The following FNBP1L variants were observed in gnomAD, a reference collection of about 807,000 sequenced individuals.
FNBP1L encodes the protein formin-binding protein 1-like.
Under a neutral mutation model 91.2 loss-of-function variants are expected in FNBP1L, and 36 were observed. The ratio of observed to expected loss-of-function variants is 0.39; its 90% CI spans 0.30 to 0.52. The LOEUF (loss-of-function observed/expected upper bound fraction) is 0.52, where lower values mean the gene tolerates loss of function less well. FNBP1L is among the 20% of genes least tolerant of loss of function. The pLI is 0.66. For synonymous variants in FNBP1L, 242 were observed against 237.0 expected (o/e 1.02, Z -0.19); for missense variants, 571 against 732.1 (o/e 0.78, Z 2.54).
intron 15 of FNBP1L, among the ~76,000 whole-genome samples, chr1:93,550,524 C>T (rs993067936): frequency 6.6e-6 from 1 of 152,198 alleles, no homozygotes; most frequent in Non-Finnish European, 1.5e-5. Context: ...GTTCTCCCTT[C>T]AGACTCTCTT....
chr1:93,526,727 AG>A (rs1190533713), intron 5 of FNBP1L, among the ~76,000 whole-genome samples: 1 of 152,108 alleles, frequency 6.6e-6, no homozygotes. Flanking sequence ...TCTTTTCTGG[AG>A]TATATTTCTG....
In FNBP1L at chr1:93,514,212, G is replaced by A. The variant is rs553143570; in HGVS notation, c.141-7870G>A. ...TACCTAGGAATCCAACTTAACAAGGGATGTGAAGGACCTCTTCAAGGAGAA... is the reference window on the plus strand; with the variant it reads ...TACCTAGGAATCCAACTTAACAAGGAATGTGAAGGACCTCTTCAAGGAGAA... On this transcript the variant is annotated intron_variant, in intron 2 of 16. Coordinates refer to ENST00000271234, the MANE Select transcript of FNBP1L (RefSeq NM_001164473.3). 3.1e-4 allele frequency among the ~76,000 whole-genome samples: 47 copies of A among 152,294 alleles called. No individual in the cohort carries two copies. The South Asian group carries it at 5.8e-3, about 19-fold the overall frequency.
intron 1 of FNBP1L, 136 bp from the exon 2 acceptor site, chr1:93,499,332 G>C (rs376011766): frequency 1.6e-6 from 1 of 641,046 alleles, no homozygotes; most frequent in East Asian, 2.9e-5. Flanking sequence ...AGGGTGAAGT[G>C]GGGGAGCTAG....
chr1:93,505,559 TG>T (rs1274786127), intron 2 of FNBP1L, among the ~76,000 whole-genome samples: 1 of 152,178 alleles, frequency 6.6e-6, no homozygotes, highest in Non-Finnish European at 1.5e-5. Flanking sequence ...ACCTAATGCT[TG>T]CTTGGACCAG....
In FNBP1L at chr1:93,548,006, A is replaced by G. The variant is rs145813910; in HGVS notation, c.1502+565A>G. ...TAGTTTTCTACTTAATTACAGTGTAATCTGAGCAAGTTCATTTTTAATGCT... is the reference window on the plus strand; with the variant it reads ...TAGTTTTCTACTTAATTACAGTGTAGTCTGAGCAAGTTCATTTTTAATGCT... On this transcript the variant is annotated intron_variant, in intron 14 of 16. Coordinates refer to ENST00000271234, the MANE Select transcript of FNBP1L (RefSeq NM_001164473.3). 2.3e-3 allele frequency among the ~76,000 whole-genome samples: 347 copies of G among 152,298 alleles called. 4 individuals carry two copies. Among genetic ancestry groups the G allele is most frequent in the African/African-American group, 8.0e-3 (331 of 41,564 alleles).
intron 2 of FNBP1L, among the ~76,000 whole-genome samples, chr1:93,516,118 A>C (rs1671097800): frequency 6.6e-6 from 1 of 152,188 alleles, no homozygotes. Flanking sequence ...TGTAAAAGTT[A>C]ATAGCCTTTC....
At position 93,552,726 on chromosome 1, in the gene FNBP1L, G is replaced by A. The variant is rs1274878854; in HGVS notation, c.*310G>A. 3.6e-6 allele frequency: 1 copy of A among 277,180 alleles called. No individual in the cohort carries two copies. Among genetic ancestry groups the A allele is most frequent in the Non-Finnish European group, 6.7e-6 (1 of 150,106 alleles). The allele number at this position is 277,180 out of a possible 1,614,324, so 17.2% of individuals were successfully genotyped here. ...AAAGAATGCAGAGCTGTCAAAAAAT[G>A]TGTCTTACATTAGCTGTCCCAACAG... is the stretch of plus-strand genomic sequence containing the variant. On this transcript the variant is annotated 3_prime_UTR_variant, in exon 17 of 17. Transcript: ENST00000271234.
chr1:93,490,800 T>G (rs139389437), intron 1 of FNBP1L, among the ~76,000 whole-genome samples: 1 of 152,350 alleles, frequency 6.6e-6, no homozygotes, highest in East Asian at 1.9e-4. Flanking sequence ...TCTTTTCCCT[T>G]GACCTTTTCC....
chr1:93,515,026 G>A (rs1160164187), intron 2 of FNBP1L, among the ~76,000 whole-genome samples: 4 of 152,104 alleles, frequency 2.6e-5, no homozygotes, highest in East Asian at 1.9e-4. Flanking sequence ...TCATCTGACA[G>A]AGGGCTAATA....
intron 5 of FNBP1L, among the ~76,000 whole-genome samples, chr1:93,525,900 A>T (rs1227072064): frequency 6.6e-6 from 1 of 152,120 alleles, no homozygotes; most frequent in African/African-American, 2.4e-5. Flanking sequence ...AACCAATATA[A>T]TTTCTGTTTA....
intron 1 of FNBP1L, among the ~76,000 whole-genome samples, chr1:93,478,839 A>G (rs78925808): frequency 0.021 from 3,229 of 152,280 alleles, 112 homozygotes; most frequent in African/African-American, 0.074. Context: ...ATAGATGTAG[A>G]AATAAAGAGG....
Position 93,546,977 on chromosome 1 carries a change from A to G in FNBP1L, c.1407+3A>G, listed in dbSNP as rs1672263931. On this transcript the variant is annotated splice_donor_region_variant and intron_variant, in intron 13 of 16. Transcript: ENST00000271234. ...GAATGGAAATCCATAAGAATGAGGT[A>G]GATTTGTTATTCAGCACTTGTCAAG... 6.2e-7 allele frequency: 1 copy of G among 1,610,162 alleles called. No homozygotes were observed. Among genetic ancestry groups the G allele is most frequent in the African/African-American group, 1.3e-5 (1 of 74,774 alleles).
intron 1 of FNBP1L, among the ~76,000 whole-genome samples, chr1:93,476,266 T>C (rs962267695): frequency 6.6e-6 from 1 of 152,182 alleles, no homozygotes; most frequent in Non-Finnish European, 1.5e-5. Flanking sequence ...CTGCTTTTAA[T>C]TCTTTGTATC....
intron 1 of FNBP1L, among the ~76,000 whole-genome samples, chr1:93,489,525 A>G (rs1442123017): frequency 6.6e-6 from 1 of 152,116 alleles, no homozygotes; most frequent in East Asian, 1.9e-4. Flanking sequence ...ATGACTTACT[A>G]AGGTGGAGTG....
intron 12 of FNBP1L, among the ~76,000 whole-genome samples, chr1:93,545,013 C>A (rs180820002): frequency 2.7e-4 from 41 of 152,228 alleles, no homozygotes; most frequent in Non-Finnish European, 4.3e-4. Context: ...AGCTGATTGG[C>A]ACATAACCTT....
intron 9 of FNBP1L, among the ~76,000 whole-genome samples, chr1:93,535,252 A>G (rs985860174): frequency 6.6e-5 from 10 of 152,174 alleles, no homozygotes; most frequent in Non-Finnish European, 1.5e-4. Context: ...CTCAAATGGA[A>G]TGAATGACCA....
intron 1 of FNBP1L, among the ~76,000 whole-genome samples, chr1:93,470,647 C>T (rs961915146): frequency 2.6e-5 from 4 of 151,848 alleles, no homozygotes; most frequent in Non-Finnish European, 5.9e-5. Context: ...CCGAGGCGGG[C>T]GAATCACCTG....
chr1:93,479,340 G>A (rs1016878550), intron 1 of FNBP1L, among the ~76,000 whole-genome samples: 4 of 152,180 alleles, frequency 2.6e-5, no homozygotes, highest in Non-Finnish European at 5.9e-5. Flanking sequence ...AGATAACAAG[G>A]CAAAGGGCAA....
At chr1:93,466,843 A>G (rs558226247) in intron 1 of FNBP1L, among the ~76,000 whole-genome samples, 2 of 152,182 alleles carry the variant, frequency 1.3e-5, no homozygotes, top group South Asian at 2.1e-4. Context: ...AGCATGGAAT[A>G]TTCTTCCATT....
Sources: allele counts gnomAD v4.1 joint callset (sites outside exome capture counted in the v4.1 genomes callset), GRCh38; gene constraint gnomAD v4.1.1; transcripts MANE v1.5; gene names NCBI Gene and HGNC (gene_info 2026-07-23, HGNC 2026-07-21).